HDAC9: variants seen among roughly 807,000 people sequenced by gnomAD.
HDAC9 encodes the protein MEF-2 interacting transcription repressor (MITR) protein.
Under a neutral mutation model 139.4 loss-of-function variants are expected in HDAC9, and 41 were observed. The ratio of observed to expected loss-of-function variants is 0.29; its 90% CI spans 0.23 to 0.38. HDAC9 has a LOEUF of 0.38. Among genes scored for constraint, HDAC9 ranks in the 10% least tolerant of loss-of-function variants. The probability of loss-of-function intolerance (pLI) is 1.00; values close to 1 mark genes in which losing one functional copy is unlikely to be tolerated. For missense variants in HDAC9, 1,147 were observed against 1,297.0 expected (o/e 0.88, Z 1.78); for synonymous variants, 517 against 476.2 (o/e 1.09, Z -1.12).
intron 23 of HDAC9, among the ~76,000 whole-genome samples, chr7:18,938,057 C>G (rs939142269): frequency 6.6e-6 from 1 of 152,112 alleles, no homozygotes; most frequent in African/African-American, 2.4e-5. Context: ...TTGTACCTTG[C>G]TGCCATTCTA....
chr7:18,802,322 T>A (rs2129184309), intron 17 of HDAC9, among the ~76,000 whole-genome samples: 1 of 152,090 alleles, frequency 6.6e-6, no homozygotes, highest in Non-Finnish European at 1.5e-5. Context: ...AGTGTTTTAG[T>A]CACAATTTTT....
intron 8 of HDAC9, among the ~76,000 whole-genome samples, chr7:18,640,914 G>A (rs1331267118): frequency 6.6e-6 from 1 of 151,952 alleles, no homozygotes; most frequent in East Asian, 1.9e-4. Context: ...ATAATTTCTC[G>A]AAGTTAGAAT....
At chr7:18,866,109 C>T (rs778959534) in intron 21 of HDAC9, among the ~76,000 whole-genome samples, 9 of 148,668 alleles carry the variant, frequency 6.1e-5, no homozygotes, top group Non-Finnish European at 8.9e-5. Flanking sequence ...CATGAACTGG[C>T]TTTATGCCAC....
chr7:18,742,592 G>A (rs185440311), intron 13 of HDAC9, among the ~76,000 whole-genome samples: 1 of 152,066 alleles, frequency 6.6e-6, no homozygotes, highest in East Asian at 1.9e-4. Flanking sequence ...TATGTCCCAG[G>A]TATTCCTGTA....
At chr7:18,453,595 A>T (rs1793080400) in intron 1 of HDAC9, among the ~76,000 whole-genome samples, 1 of 152,198 alleles carries the variant, frequency 6.6e-6, no homozygotes, top group African/African-American at 2.4e-5. Flanking sequence ...CAAGTGCCAC[A>T]TATTTGCTAA....
chr7:18,649,797 T>A (rs1408445901), intron 11 of HDAC9, among the ~76,000 whole-genome samples: 2 of 152,130 alleles, frequency 1.3e-5, no homozygotes, highest in East Asian at 3.9e-4. Context: ...AAGCATGGAT[T>A]GGATACCATG....
At chr7:18,596,801 T>C (rs1832632691) in intron 6 of HDAC9, among the ~76,000 whole-genome samples, 1 of 152,172 alleles carries the variant, frequency 6.6e-6, no homozygotes, top group South Asian at 2.1e-4. Context: ...GTGTATCCTA[T>C]CGTTTGATCT....
intron 11 of HDAC9, among the ~76,000 whole-genome samples, chr7:18,663,812 CT>C (rs1411530190): frequency 1.3e-5 from 2 of 152,092 alleles, no homozygotes; most frequent in Non-Finnish European, 2.9e-5. Flanking sequence ...TGGCTTGTAT[CT>C]TTTCTCAGAT....
intron 17 of HDAC9, among the ~76,000 whole-genome samples, chr7:18,826,503 A>G (rs1489553158): frequency 6.6e-6 from 1 of 152,218 alleles, no homozygotes; most frequent in East Asian, 1.9e-4. Context: ...GGCGAGAAGA[A>G]GATCATTTTC....
chr7:18,088,511 T>TA (rs1429115273), intron 1 of HDAC9, among the ~76,000 whole-genome samples: 1 of 152,182 alleles, frequency 6.6e-6, no homozygotes, highest in Non-Finnish European at 1.5e-5. Flanking sequence ...AAGAAAACCT[T>TA]ATGACATTTG....
At chr7:18,964,517 G>T (rs1783725113) in intron 24 of HDAC9, among the ~76,000 whole-genome samples, 1 of 152,152 alleles carries the variant, frequency 6.6e-6, no homozygotes, top group Non-Finnish European at 1.5e-5. Context: ...AGAATGCTTG[G>T]TAGGTAATAA....
In HDAC9 at chr7:18,496,510, C is replaced by T. The variant is rs1586301282; in HGVS notation, c.22+186C>T. 9 of 585,070 alleles carry T rather than the reference C, an allele frequency of 1.5e-5. No homozygotes were observed. The East Asian group carries it at 2.5e-4, about 17-fold the overall frequency. 36.2% of individuals were successfully genotyped at this position (585,070 alleles called of 1,614,324 possible). ...ATTACTGTTTCTGTGCATATTCAGT[C>T]TGCTTAGGGACAGCAGCTTCTGAAT... On this transcript the variant is annotated intron_variant, in intron 2 of 25. Coordinates refer to ENST00000686413, the MANE Select transcript of HDAC9 (RefSeq NM_178425.4).
intron 1 of HDAC9, among the ~76,000 whole-genome samples, chr7:18,481,871 A>G (rs1026560715): frequency 6.6e-6 from 1 of 152,172 alleles, no homozygotes; most frequent in African/African-American, 2.4e-5. Flanking sequence ...GGGCCACAGT[A>G]TTGCATGAAG....
chr7:18,331,645 A>G (rs602349), intron 1 of HDAC9, among the ~76,000 whole-genome samples: 21,430 of 151,606 alleles, frequency 0.14, 1,999 homozygotes, highest in East Asian at 0.27. Context: ...TTAAAAAAAG[A>G]AGTACAAAAT....
At chr7:18,371,605 A>G (rs1784598370) in intron 1 of HDAC9, among the ~76,000 whole-genome samples, 1 of 152,218 alleles carries the variant, frequency 6.6e-6, no homozygotes, top group African/African-American at 2.4e-5. Flanking sequence ...ATTGAAAAGT[A>G]CTATACAGAC....
intron 1 of HDAC9, among the ~76,000 whole-genome samples, chr7:18,405,198 C>A (rs1787898224): frequency 6.6e-6 from 1 of 152,204 alleles, no homozygotes; most frequent in Non-Finnish European, 1.5e-5. Flanking sequence ...ACATGCTGTA[C>A]ATAGACAGCT....
intron 1 of HDAC9, chr7:18,327,740 A>G (rs970308588): frequency 6.6e-6 from 1 of 151,978 alleles, no homozygotes; most frequent in African/African-American, 2.4e-5. Context: ...GGCAAAATAT[A>G]ATATAGATGA....
intron 1 of HDAC9, among the ~76,000 whole-genome samples, chr7:18,441,119 G>A (rs1279260883): frequency 6.6e-6 from 1 of 152,178 alleles, no homozygotes; most frequent in East Asian, 1.9e-4. Flanking sequence ...AAAAGCTGAA[G>A]GGATACCCCA....
chr7:18,222,904 G>A (rs1792802343), intron 2 of HDAC9, among the ~76,000 whole-genome samples: 3 of 152,052 alleles, frequency 2.0e-5, no homozygotes, highest in South Asian at 2.1e-4. Context: ...AACTGTTAAG[G>A]GAAAGGTAAT....
Sources: allele counts gnomAD v4.1 joint callset (sites outside exome capture counted in the v4.1 genomes callset), GRCh38; gene constraint gnomAD v4.1.1; transcripts MANE v1.5; gene names NCBI Gene and HGNC (gene_info 2026-07-23, HGNC 2026-07-21).